RAB8A: variants seen among roughly 807,000 people sequenced by gnomAD.
The protein encoded by RAB8A is ras-related protein Rab-8A.
Under a neutral mutation model 29.2 loss-of-function variants are expected in RAB8A, and 5 were observed. The ratio of observed to expected loss-of-function variants is 0.17; its 90% confidence interval spans 0.09 to 0.36. The LOEUF is 0.36. Among genes scored for constraint, RAB8A ranks in the 10% least tolerant of loss-of-function variants. The pLI is 1.00. For synonymous variants in RAB8A, 108 were observed against 99.9 expected (o/e 1.08, Z -0.49); for missense variants, 171 against 272.2 (o/e 0.63, Z 2.62).
At chr19:16,129,379 G>A (rs2090915564) in intron 6 of RAB8A, among the ~76,000 whole-genome samples, 175 bp from the exon 7 acceptor site, 1 of 152,154 alleles carries the variant, frequency 6.6e-6, no homozygotes, top group Non-Finnish European at 1.5e-5. Flanking sequence ...AGGGAGCCGG[G>A]GAAGGATGAG....
chr19:16,131,368 G>A (rs2144998467), intron 7 of RAB8A, among the ~76,000 whole-genome samples: 1 of 152,316 alleles, frequency 6.6e-6, no homozygotes, highest in South Asian at 2.1e-4. Flanking sequence ...ATGGATGGAT[G>A]GTTGGTTGAA....
chr19:16,116,819 C>T lies in RAB8A; in HGVS notation c.125-1407C>T, dbSNP rs574931173. Among the ~76,000 whole-genome samples, 6 of 150,894 alleles carry T rather than the reference C, an allele frequency of 4.0e-5. No homozygotes were observed. The East Asian group carries it at 9.8e-4, about 25-fold the overall frequency. On this transcript the variant is annotated intron_variant, in intron 1 of 7. Coordinates refer to ENST00000300935, the MANE Select transcript of RAB8A (RefSeq NM_005370.5). ...CACTGCACTCCAGGCTAGCCAAGAT[C>T]GCACCACTGCACTCCAGGCTAGCCA...
rs1024703681 is a variant in RAB8A, at chr19:16,122,461, G to A, written c.246+651G>A. ...GACCTGAGACCCTGGCTTGCCCACT[G>A]AGCTCCATCTCCTGACTTGGAAAAG... is the stretch of plus-strand genomic sequence containing the variant. On this transcript the variant is annotated intron_variant, in intron 3 of 7. Coordinates refer to ENST00000300935, the MANE Select transcript of RAB8A (RefSeq NM_005370.5). The surrounding 1 kb of genome is among the most constrained non-coding windows in gnomAD (Gnocchi z 4.7). 6.6e-6 allele frequency among the ~76,000 whole-genome samples: 1 copy of A among 152,222 alleles called. No homozygotes were observed. The highest frequency in any genetic ancestry group is 2.4e-5 in the African/African-American group (1 of 41,462).
chr19:16,120,313 A>ATTT lies in RAB8A; in HGVS notation c.186-1420_186-1418dup, dbSNP rs546591257. Among the ~76,000 whole-genome samples, 572 of 130,442 alleles carry ATTT rather than the reference A, an allele frequency of 4.4e-3. 7 individuals are homozygous for ATTT. Among genetic ancestry groups the ATTT allele is most frequent in the South Asian group, 6.4e-3 (26 of 4,082 alleles). The allele number at this position is 130,442 out of a possible 152,430, so 85.6% of individuals were successfully genotyped here. On this transcript the variant is annotated intron_variant, in intron 2 of 7. Transcript: ENST00000300935. Reference sequence around the variant, plus strand: ...TCACCAATCAGTTAGGTCACCTTTAATTTTTTTTTTTTTTTTTTTGACAAA... The same window carrying ATTT: ...TCACCAATCAGTTAGGTCACCTTTAATTTTTTTTTTTTTTTTTTTTTTGACAAA...
At chr19:16,130,875 G>C (rs1264059955) in intron 7 of RAB8A, among the ~76,000 whole-genome samples, 1 of 151,974 alleles carries the variant, frequency 6.6e-6, no homozygotes, top group Non-Finnish European at 1.5e-5. Context: ...CCAGGCTAGA[G>C]TGCAATGGTG....
chr19:16,115,748 T>G (rs1440564788), intron 1 of RAB8A, among the ~76,000 whole-genome samples: 3 of 152,196 alleles, frequency 2.0e-5, no homozygotes, highest in African/African-American at 7.2e-5. Context: ...AAATGTGTAT[T>G]CAACCCCTGT....
At position 16,127,934 on chromosome 19, in the gene RAB8A, TG is replaced by T; in HGVS notation, c.415-90del. 1 of 1,350,730 alleles carries T rather than the reference TG, an allele frequency of 7.4e-7. No individual in the cohort carries two copies. Among genetic ancestry groups the T allele is most frequent in the Non-Finnish European group, 1.1e-6 (1 of 943,566 alleles). The allele number at this position is 1,350,730 out of a possible 1,614,324, so 83.7% of individuals were successfully genotyped here. On this transcript the variant is annotated intron_variant, in intron 5 of 7. Coordinates refer to ENST00000300935, the MANE Select transcript of RAB8A (RefSeq NM_005370.5). This position sits in a 1 kb window ranked among gnomAD's most constrained non-coding sequence, Gnocchi z 4.8. ...CCCCAGCCCTGTTGCTGCTCCCTCT[TG>T]GCGCCGGCCCTGCCTTCAGCTCCTG...
Position 16,125,102 on chromosome 19 carries a change from T to G in RAB8A, c.247-368T>G. ...CAGGGGAGGGTCAGCGTGAGGGGAGTGCTGCTGGCAGTGGGCCTGTGGACC... is the reference window on the plus strand; with the variant it reads ...CAGGGGAGGGTCAGCGTGAGGGGAGGGCTGCTGGCAGTGGGCCTGTGGACC... On this transcript the variant is annotated intron_variant, in intron 3 of 7. Transcript: ENST00000300935. This position sits in a 1 kb window ranked among gnomAD's most constrained non-coding sequence, Gnocchi z 5.0. 7 of 348,840 alleles carry G rather than the reference T, an allele frequency of 2.0e-5. No individual in the cohort carries two copies. The highest frequency in any genetic ancestry group is 3.0e-5 in the South Asian group (1 of 32,884). 21.6% of individuals were successfully genotyped at this position (348,840 alleles called of 1,614,324 possible). A position where few individuals can be genotyped will look rare whatever the true frequency, so the allele number is the denominator to read the frequency against.
chr19:16,120,993 T>C (rs1178708705), intron 2 of RAB8A, among the ~76,000 whole-genome samples: 3 of 150,618 alleles, frequency 2.0e-5, no homozygotes, highest in Non-Finnish European at 2.9e-5. Context: ...CTCGGCTCAC[T>C]GCAGCCTCCA....
Position 16,129,537 on chromosome 19 carries a change from A to G in RAB8A, c.481-17A>G, listed in dbSNP as rs750326839. ...GGTCCTGCCATCCCAAGGACTCACA[A>G]TGTGCTTATTCCACAGGCATTTTTC... On this transcript the variant is annotated splice_polypyrimidine_tract_variant and intron_variant, in intron 6 of 7. Transcript: ENST00000300935. 5.0e-6 allele frequency: 8 copies of G among 1,613,820 alleles called. No homozygotes were observed. The Admixed American group carries it at 5.0e-5, about 10-fold the overall frequency.
At position 16,133,965 on chromosome 19, in the gene RAB8A, C is replaced by A. The variant is rs1260237351; in HGVS notation, c.*1661C>A. 6.6e-6 allele frequency: 1 copy of A among 152,402 alleles called. No homozygotes were observed. Among genetic ancestry groups the A allele is most frequent in the African/African-American group, 2.4e-5 (1 of 41,450 alleles). 9.4% of individuals were successfully genotyped at this position (152,402 alleles called of 1,614,324 possible). ...CACTGTGTCCCTCCTGCCTCCCTGG[C>A]AGGTCCTTCTAGGGGCCCTCTCCTG... On this transcript the variant is annotated 3_prime_UTR_variant, in exon 8 of 8. Transcript: ENST00000300935.
At position 16,132,255 on chromosome 19, in the gene RAB8A, C is replaced by A. The variant is rs769827222; in HGVS notation, c.575C>A (p.Thr192Lys). 6.2e-7 allele frequency: 1 copy of A among 1,614,110 alleles called. No individual in the cohort carries two copies. Among genetic ancestry groups the A allele is most frequent in the Admixed American group, 1.7e-5 (1 of 60,016 alleles). ...GGGAGCAACCAGGGAGTCAAAATCA[C>A]ACCGGACCAGCAGAAGAGGAGCAGC... ...PQGSNQGVKI[T>K]PDQQKRSSFF... is the part of the protein sequence containing the mutation. The change falls in exon 8 of 8, where the codon ACA becomes AAA. Residue 192 changes from threonine (T) to lysine (K), a missense_variant. Physicochemically the swap from Thr to Lys is moderately conservative, Grantham distance 78. This residue lies in a region of RAB8A where 145 missense variants were observed against 212.8 expected (regional missense o/e 0.68). Transcript: ENST00000300935. The surrounding 1 kb of genome is among the most constrained non-coding windows in gnomAD (Gnocchi z 5.6).
intron 1 of RAB8A, 70 bp downstream of exon 1, chr19:16,112,095 T>C (rs2090826142): frequency 1.3e-6 from 2 of 1,585,914 alleles, no homozygotes; most frequent in Non-Finnish European, 1.7e-6. Context: ...GGGCTGGGGC[T>C]GAGGGATCTA....
In RAB8A at chr19:16,112,031, G is replaced by C. The variant is rs755907421; in HGVS notation, c.124+6G>C. Reference sequence around the variant, plus strand: ...CACTTTTATCTCCACCATAGGTAACGGGACCGGGGAATGGCTGGGGGCGCC... The same window carrying C: ...CACTTTTATCTCCACCATAGGTAACCGGACCGGGGAATGGCTGGGGGCGCC... On this transcript the variant is annotated splice_donor_region_variant and intron_variant, in intron 1 of 7. Coordinates refer to ENST00000300935, the MANE Select transcript of RAB8A (RefSeq NM_005370.5). The C allele has an allele frequency of 6.2e-7, 1 of 1,613,542 alleles. No homozygotes were observed. The highest frequency in any genetic ancestry group is 8.5e-7 in the Non-Finnish European group (1 of 1,179,630).
At position 16,122,235 on chromosome 19, in the gene RAB8A, C is replaced by A. The variant is rs1428392361; in HGVS notation, c.246+425C>A. 1 of 161,062 alleles carries A rather than the reference C, an allele frequency of 6.2e-6. No homozygotes were observed. Among genetic ancestry groups the A allele is most frequent in the African/African-American group, 2.4e-5 (1 of 41,824 alleles). The allele number at this position is 161,062 out of a possible 1,614,324, so 10.0% of individuals were successfully genotyped here. On this transcript the variant is annotated intron_variant, in intron 3 of 7. Coordinates refer to ENST00000300935, the MANE Select transcript of RAB8A (RefSeq NM_005370.5). The surrounding 1 kb of genome is among the most constrained non-coding windows in gnomAD (Gnocchi z 4.7). ...GGGCTGTCGGCCGTTATATCCGTCA[C>A]CCAGGCCTGAGGCGGGATGACGTGA...
At chr19:16,115,806 C>A (rs1033087277) in intron 1 of RAB8A, among the ~76,000 whole-genome samples, 1 of 152,134 alleles carries the variant, frequency 6.6e-6, no homozygotes, top group Non-Finnish European at 1.5e-5. Flanking sequence ...TTGTCAGTTC[C>A]CTGCCCCAGG....
In RAB8A at chr19:16,132,350, C is replaced by A. The variant is rs776747724; in HGVS notation, c.*46C>A. 1.9e-6 allele frequency: 3 copies of A among 1,588,898 alleles called. No individual in the cohort carries two copies. Among genetic ancestry groups the A allele is most frequent in the Non-Finnish European group, 2.6e-6 (3 of 1,163,598 alleles). On this transcript the variant is annotated 3_prime_UTR_variant, in exon 8 of 8. Coordinates refer to ENST00000300935, the MANE Select transcript of RAB8A (RefSeq NM_005370.5). The surrounding 1 kb of genome is among the most constrained non-coding windows in gnomAD (Gnocchi z 5.6). Reference sequence around the variant, plus strand: ...GCCTCGCTCAGCCCAGCTGACTGTGCCTGTTCTGAGTGAGCCCCTCACTCA... The same window carrying A: ...GCCTCGCTCAGCCCAGCTGACTGTGACTGTTCTGAGTGAGCCCCTCACTCA...
rs376619332 is a variant in RAB8A at position 16,111,913 on chromosome 19, C to G, written c.12C>G (p.Thr4=). Residue 4 remains threonine (T), a synonymous_variant, in exon 1 of 8, where the codon ACC becomes ACG. Coordinates refer to ENST00000300935, the MANE Select transcript of RAB8A (RefSeq NM_005370.5). MAK[T]YDYLFKLLLI... ...GGAGAGAGTGTAATATGGCGAAGAC[C>G]TACGATTACCTGTTCAAGCTGCTGC... The G allele has an allele frequency of 2.5e-6, 4 of 1,614,024 alleles. No homozygotes were observed. Among genetic ancestry groups the G allele is most frequent in the Non-Finnish European group, 2.5e-6 (3 of 1,179,884 alleles).
At position 16,127,963 on chromosome 19, in the gene RAB8A, T is replaced by G. The variant is rs764640773; in HGVS notation, c.415-63T>G. The G allele has an allele frequency of 3.2e-6, 5 of 1,564,358 alleles. No homozygotes were observed. In the South Asian group the frequency reaches 5.6e-5, roughly 17 times the overall value. ...GCCGGCCCTGCCTTCAGCTCCTGTT[T>G]TAGGCAAGCTCAGATGCGCCCGGCG... On this transcript the variant is annotated intron_variant, in intron 5 of 7. Transcript: ENST00000300935. The surrounding 1 kb of genome is among the most constrained non-coding windows in gnomAD (Gnocchi z 4.8).
Sources: gnomAD v4.1 joint callset for allele counts (sites outside exome capture counted in the v4.1 genomes callset) on GRCh38, gnomAD v4.1.1 for gene constraint, gnomAD v4.1.1 regional missense constraint, Gnocchi (gnomAD v3.1) non-coding constraint, MANE v1.5 for transcripts, NCBI Gene and HGNC (gene_info 2026-07-23, HGNC 2026-07-21) for gene names.